DAB1: variants seen among roughly 807,000 people sequenced by gnomAD.
DAB1 encodes the protein DAB adaptor protein 1.
Under a neutral mutation model 64.6 loss-of-function variants are expected in DAB1, and 15 were observed. The observed-to-expected ratio is 0.23, with a 90% CI of 0.16 to 0.36. The LOEUF (loss-of-function observed/expected upper bound fraction) is 0.36. Ranked by LOEUF, DAB1 falls within the 10% of genes least tolerant of loss-of-function variation. DAB1 has a pLI of 1.00. For missense variants in DAB1, 596 were observed against 706.7 expected, an observed-to-expected ratio of 0.84 and a Z score of 1.78; for synonymous variants, 235 against 251.9, an observed-to-expected ratio of 0.93 and a Z score of 0.64.
intron 7 of DAB1, among the ~76,000 whole-genome samples, chr1:57,613,968 C>T (rs1645759077): frequency 1.3e-5 from 2 of 152,094 alleles, no homozygotes; most frequent in African/African-American, 4.8e-5. Context: ...AAGTATGTAT[C>T]TAAATACCTG....
At chr1:57,180,422 T>C (rs1569780328) in intron 2 of DAB1, among the ~76,000 whole-genome samples, 1 of 152,380 alleles carries the variant, frequency 6.6e-6, no homozygotes, top group Admixed American at 6.5e-5. Context: ...TGTTTTCATG[T>C]GTCAGCAACC....
At chr1:57,811,234 C>G (rs1009393373) in intron 6 of DAB1, among the ~76,000 whole-genome samples, 1 of 152,194 alleles carries the variant, frequency 6.6e-6, no homozygotes, top group Admixed American at 6.5e-5. Flanking sequence ...CCAAATCTCA[C>G]GTCAAATTGT....
chr1:57,827,236 CAT>C (rs1004806517), intron 1 of DAB1, among the ~76,000 whole-genome samples: 1 of 152,116 alleles, frequency 6.6e-6, no homozygotes, highest in Non-Finnish European at 1.5e-5. Context: ...ACATCAAACA[CAT>C]ATCAAAATGA....
At chr1:58,195,285 G>A (rs576051054) in intron 4 of DAB1, among the ~76,000 whole-genome samples, 1 of 152,268 alleles carries the variant, frequency 6.6e-6, no homozygotes, top group African/African-American at 2.4e-5. Flanking sequence ...AGGAAGAAGG[G>A]CAGAAATCAA....
At chr1:57,262,801 GAGA>G (rs1437836780) in intron 2 of DAB1, among the ~76,000 whole-genome samples, 2 of 152,192 alleles carry the variant, frequency 1.3e-5, no homozygotes, top group African/African-American at 2.4e-5. Context: ...CAGATTCTGA[GAGA>G]AGGTCTTTTG....
chr1:58,140,202 C>T (rs535083832), intron 5 of DAB1, among the ~76,000 whole-genome samples: 3 of 152,300 alleles, frequency 2.0e-5, no homozygotes, highest in South Asian at 2.1e-4. Context: ...GGTTAAGATG[C>T]TACTTGAGGC....
intron 1 of DAB1, among the ~76,000 whole-genome samples, chr1:57,386,379 A>AC (rs984213914): frequency 8.0e-6 from 1 of 124,554 alleles, no homozygotes; most frequent in African/African-American, 2.8e-5. Context: ...AAAAAAAAAA[A>AC]AAAAAAAACC....
At chr1:57,142,623 C>T (rs867347381) in intron 3 of DAB1, among the ~76,000 whole-genome samples, 3,250 of 150,862 alleles carry the variant, frequency 0.022, 130 homozygotes, top group African/African-American at 0.076. Context: ...CACACACACA[C>T]ACACACATAC....
chr1:57,917,670 A>G (rs1319137309), intron 5 of DAB1, among the ~76,000 whole-genome samples: 1 of 152,176 alleles, frequency 6.6e-6, no homozygotes, highest in African/African-American at 2.4e-5. Flanking sequence ...CTCTAAAATC[A>G]TCTATCCATA....
chr1:58,372,278 G>A (rs1644271145), intron 3 of DAB1, among the ~76,000 whole-genome samples: 1 of 152,188 alleles, frequency 6.6e-6, no homozygotes, highest in African/African-American at 2.4e-5. Context: ...AGAAGATTTT[G>A]GGGCTTTAAG....
chr1:57,988,319 C>G (rs572929291), intron 5 of DAB1, among the ~76,000 whole-genome samples: 29 of 152,246 alleles, frequency 1.9e-4, no homozygotes, highest in African/African-American at 6.3e-4. Context: ...CCAATTCTGC[C>G]CCCCCACTCA....
At chr1:57,978,964 G>A (rs764324856) in intron 5 of DAB1, among the ~76,000 whole-genome samples, 10 of 152,176 alleles carry the variant, frequency 6.6e-5, no homozygotes, top group Non-Finnish European at 1.2e-4. Context: ...CATTGCTGGT[G>A]GGAGTATAAA....
At chr1:57,422,629 T>G (rs1039116122) in intron 1 of DAB1, among the ~76,000 whole-genome samples, 28 of 151,670 alleles carry the variant, frequency 1.8e-4, no homozygotes, top group Non-Finnish European at 4.4e-5. Flanking sequence ...GCCCCCGGCC[T>G]CCCCACCCCC....
intron 1 of DAB1, among the ~76,000 whole-genome samples, chr1:58,544,002 T>C (rs72672249): frequency 0.048 from 7,326 of 152,220 alleles, 222 homozygotes; most frequent in African/African-American, 0.063. Context: ...CAGTACAGGT[T>C]TGTAGGGTCC....
intron 8 of DAB1, among the ~76,000 whole-genome samples, chr1:57,069,030 T>C (rs1173074911): frequency 6.6e-6 from 1 of 152,198 alleles, no homozygotes; most frequent in African/African-American, 2.4e-5. Flanking sequence ...GATAAGCACA[T>C]TCTTTTGAGA....
At chr1:58,294,776 C>T (rs969275956) in intron 4 of DAB1, among the ~76,000 whole-genome samples, 3 of 151,868 alleles carry the variant, frequency 2.0e-5, no homozygotes, top group Non-Finnish European at 4.4e-5. Flanking sequence ...TAGGCAGAAG[C>T]ACATCTAGGT....
intron 1 of DAB1, among the ~76,000 whole-genome samples, chr1:57,343,481 C>A (rs1046692542): frequency 1.6e-4 from 25 of 152,232 alleles, no homozygotes; most frequent in Non-Finnish European, 3.2e-4. Context: ...GTCGATGGGA[C>A]TAGGCGCCAT....
intron 1 of DAB1, among the ~76,000 whole-genome samples, chr1:57,297,699 G>GAAAAC (rs771767323): frequency 7.8e-4 from 118 of 152,106 alleles, no homozygotes; most frequent in Middle Eastern, 6.8e-3. Flanking sequence ...TAAGAAAAGG[G>GAAAAC]AAAACAAAGC....
At chr1:57,160,471 T>C (rs566333735) in intron 2 of DAB1, among the ~76,000 whole-genome samples, 1 of 152,236 alleles carries the variant, frequency 6.6e-6, no homozygotes, top group Admixed American at 6.5e-5. Flanking sequence ...AGCTTGAGGC[T>C]GGGTAAGAAA....
Sources: allele counts gnomAD v4.1 joint callset (sites outside exome capture counted in the v4.1 genomes callset), GRCh38; gene constraint gnomAD v4.1.1; transcripts MANE v1.5; gene names NCBI Gene and HGNC (gene_info 2026-07-23, HGNC 2026-07-21).